The following DENND5B variants were observed in gnomAD, a reference collection of about 807,000 sequenced individuals.
The protein encoded by DENND5B is DENN domain-containing protein 5B.
In DENND5B, 34 loss-of-function variants were observed where a neutral mutation model predicts 140.6. The ratio of observed to expected loss-of-function variants is 0.24; its 90% CI spans 0.18 to 0.32. The LOEUF (loss-of-function observed/expected upper bound fraction) is 0.32. Among genes scored for constraint, DENND5B ranks in the 10% least tolerant of loss-of-function variants. The probability of loss-of-function intolerance (pLI) is 1.00; values close to 1 mark genes in which losing one functional copy is unlikely to be tolerated. For synonymous variants in DENND5B, 551 were observed against 562.1 expected (o/e 0.98, Z 0.28); for missense variants, 1,142 against 1,560.2 (o/e 0.73, Z 4.52).
intron 1 of DENND5B, among the ~76,000 whole-genome samples, chr12:31,564,685 C>T (rs563272568): frequency 4.0e-5 from 6 of 151,738 alleles, no homozygotes; most frequent in Admixed American, 3.9e-4. Flanking sequence ...AACTCCCAGG[C>T]TCAAGTGATC....
At chr12:31,590,501 C>T in intron 1 of DENND5B, 1 of 594,144 alleles carries the variant, frequency 1.7e-6, no homozygotes, top group Admixed American at 4.6e-5. Context: ...GGCGAAAGCC[C>T]CGGTGGGCGC....
At chr12:31,586,199 T>C (rs1165905829) in intron 1 of DENND5B, among the ~76,000 whole-genome samples, 2 of 152,224 alleles carry the variant, frequency 1.3e-5, no homozygotes, top group South Asian at 4.1e-4. Context: ...CAAAATGATG[T>C]CTGCCTTCCC....
chr12:31,414,062 G>A (rs1271267622), intron 12 of DENND5B, among the ~76,000 whole-genome samples: 1 of 152,178 alleles, frequency 6.6e-6, no homozygotes, highest in African/African-American at 2.4e-5. Context: ...GAGAAAATAA[G>A]CCAGACTGCA....
chr12:31,389,840 G>A (rs181844774), intron 19 of DENND5B, among the ~76,000 whole-genome samples: 260 of 152,112 alleles, frequency 1.7e-3, no homozygotes, highest in Non-Finnish European at 2.8e-3. Context: ...GCAATGACAC[G>A]GTAGCCATTG....
chr12:31,532,885 G>A (rs1222568584), intron 1 of DENND5B, among the ~76,000 whole-genome samples: 1 of 152,150 alleles, frequency 6.6e-6, no homozygotes, highest in African/African-American at 2.4e-5. Context: ...GAGAGAAAAG[G>A]TTCCCGTGGG....
At chr12:31,479,300 T>C (rs1945962792) in intron 3 of DENND5B, among the ~76,000 whole-genome samples, 1 of 152,236 alleles carries the variant, frequency 6.6e-6, no homozygotes, top group Non-Finnish European at 1.5e-5. Flanking sequence ...TAATGACGAT[T>C]ATATATTATC....
intron 11 of DENND5B, among the ~76,000 whole-genome samples, chr12:31,416,325 G>T (rs556086807): frequency 6.6e-6 from 1 of 151,162 alleles, no homozygotes; most frequent in African/African-American, 2.4e-5. Context: ...GTGCAGTGGC[G>T]TGATCTTGGC....
In DENND5B at chr12:31,392,337, C is replaced by T. The variant is rs780433479; in HGVS notation, c.3396G>A (p.Glu1132=). The T allele has an allele frequency of 1.2e-6, 2 of 1,613,606 alleles. No individual in the cohort carries two copies. The highest frequency in any genetic ancestry group is 1.7e-6 in the Non-Finnish European group (2 of 1,179,848). Residue 1132 remains glutamate, a synonymous_variant, in exon 19 of 21, where the codon GAG becomes GAA. Transcript: ENST00000389082. The part of the protein sequence containing the change: ...CGENGLVAAL[E]QVFHHGFKSA... ...ATTTGAACCCATGGTGGAAAACTTG[C>T]TCAAGGGCTGCAACCAGGCCATTTT...
intron 1 of DENND5B, among the ~76,000 whole-genome samples, chr12:31,505,822 A>C (rs1286610356): frequency 6.6e-6 from 1 of 151,884 alleles, no homozygotes; most frequent in South Asian, 2.1e-4. Context: ...AGTTTATTTT[A>C]ATTAATTAAT....
intron 2 of DENND5B, among the ~76,000 whole-genome samples, chr12:31,488,964 G>C (rs1046905390): frequency 6.6e-6 from 1 of 152,164 alleles, no homozygotes; most frequent in Admixed American, 6.5e-5. Flanking sequence ...CCCAGTTTGA[G>C]TCAGCAAATG....
At chr12:31,456,672 G>A (rs1944793592) in intron 4 of DENND5B, among the ~76,000 whole-genome samples, 1 of 152,184 alleles carries the variant, frequency 6.6e-6, no homozygotes, top group Non-Finnish European at 1.5e-5. Context: ...GGCCGGAGCA[G>A]GAAGTATCCA....
chr12:31,401,759 C>T (rs552257141), intron 15 of DENND5B, among the ~76,000 whole-genome samples: 2 of 152,060 alleles, frequency 1.3e-5, no homozygotes, highest in Non-Finnish European at 2.9e-5. Flanking sequence ...AGTACCCAGA[C>T]TACAGGTGCA....
In DENND5B at chr12:31,384,621, T is replaced by G. The variant is rs1185429732; in HGVS notation, c.*2982A>C. ...AAGAGGATGTGTCAGTTCTGATGTG[T>G]TTTTTTTAAATCATCATTTCACCAT... On this transcript the variant is annotated 3_prime_UTR_variant, in exon 21 of 21. Transcript: ENST00000389082. 3 of 151,938 alleles carry G rather than the reference T, an allele frequency of 2.0e-5. No individual in the cohort carries two copies. Among genetic ancestry groups the G allele is most frequent in the African/African-American group, 4.8e-5 (2 of 41,360 alleles). The allele number at this position is 151,938 out of a possible 1,614,324, so 9.4% of individuals were successfully genotyped here. A position where few individuals can be genotyped will look rare whatever the true frequency, so the allele number is the denominator to read the frequency against.
At chr12:31,551,326 T>G (rs1195756301) in intron 1 of DENND5B, among the ~76,000 whole-genome samples, 3 of 152,180 alleles carry the variant, frequency 2.0e-5, no homozygotes, top group African/African-American at 7.2e-5. Flanking sequence ...GGGAATCCTT[T>G]CCCCATTGCT....
intron 1 of DENND5B, among the ~76,000 whole-genome samples, chr12:31,546,852 CA>C (rs1948881632): frequency 6.6e-6 from 1 of 152,190 alleles, no homozygotes; most frequent in African/African-American, 2.4e-5. Context: ...TTGTTTGATA[CA>C]TTCGACAACC....
intron 15 of DENND5B, 69 bp from the exon 16 acceptor site, chr12:31,399,841 C>A: frequency 1.6e-6 from 2 of 1,234,518 alleles, no homozygotes; most frequent in Non-Finnish European, 2.3e-6. Flanking sequence ...TTTACAGGTA[C>A]TTTGGTTCCG....
intron 11 of DENND5B, among the ~76,000 whole-genome samples, chr12:31,423,137 C>T (rs142414973): frequency 0.02 from 3,106 of 152,098 alleles, 56 homozygotes; most frequent in South Asian, 0.053. Context: ...GATGGGGTTT[C>T]ACCGTGTTGG....
chr12:31,403,840 G>A (rs1302768243), intron 14 of DENND5B, among the ~76,000 whole-genome samples: 7 of 141,766 alleles, frequency 4.9e-5, no homozygotes, highest in African/African-American at 1.6e-4. Flanking sequence ...AGGTTGCAGC[G>A]AGCCGAGATT....
At chr12:31,403,987 G>C (rs981346293) in intron 14 of DENND5B, among the ~76,000 whole-genome samples, 1 of 151,494 alleles carries the variant, frequency 6.6e-6, no homozygotes, top group Non-Finnish European at 1.5e-5. Flanking sequence ...TTGGAAGGCT[G>C]AGGTGGGCAG....
Sources: gnomAD v4.1 joint callset for allele counts (sites outside exome capture counted in the v4.1 genomes callset) on GRCh38, gnomAD v4.1.1 for gene constraint, MANE v1.5 for transcripts, NCBI Gene and HGNC (gene_info 2026-07-23, HGNC 2026-07-21) for gene names.